The following DOCK4 variants were observed in gnomAD, a reference collection of about 807,000 sequenced individuals.
DOCK4 encodes dedicator of cytokinesis 4.
Under a neutral mutation model 268.1 loss-of-function variants are expected in DOCK4, and 97 were observed. That is an observed-to-expected ratio of 0.36 (90% CI 0.31 to 0.43). DOCK4 has a LOEUF of 0.43. Among genes scored for constraint, DOCK4 ranks in the 20% least tolerant of loss-of-function variants. The pLI is 1.00. For missense variants in DOCK4, 2,145 were observed against 2,455.7 expected (o/e 0.87, Z 2.67); for synonymous variants, 954 against 887.2 (o/e 1.08, Z -1.34).
At chr7:111,997,025 G>T (rs369998606) in intron 4 of DOCK4, among the ~76,000 whole-genome samples, 15 of 152,172 alleles carry the variant, frequency 9.9e-5, no homozygotes, top group East Asian at 3.9e-4. Context: ...GGTTGCACAG[G>T]CTTGCTCAAA....
intron 1 of DOCK4, among the ~76,000 whole-genome samples, chr7:112,152,128 A>G (rs1198897851): frequency 6.6e-6 from 1 of 152,202 alleles, no homozygotes; most frequent in African/African-American, 2.4e-5. Flanking sequence ...GAATATTTAT[A>G]TAAAGGCACA....
chr7:111,863,137 C>G, intron 23 of DOCK4: 1 of 507,488 alleles, frequency 2.0e-6, no homozygotes, highest in Non-Finnish European at 3.5e-6. Flanking sequence ...TGTTAAATCC[C>G]ATTAAACATA....
intron 1 of DOCK4, among the ~76,000 whole-genome samples, chr7:112,052,478 T>C (rs1022161511): frequency 1.3e-5 from 2 of 152,160 alleles, no homozygotes; most frequent in African/African-American, 4.8e-5. Flanking sequence ...ACTTCGGGCA[T>C]ATAATGTATT....
At chr7:111,739,323 G>A in intron 48 of DOCK4, 73 bp downstream of exon 48, 1 of 1,593,360 alleles carries the variant, frequency 6.3e-7, no homozygotes, top group South Asian at 1.1e-5. Flanking sequence ...TGAACGTGTG[G>A]CAGCTGGCCA....
chr7:112,104,157 A>T (rs1810934773), intron 1 of DOCK4, among the ~76,000 whole-genome samples: 1 of 152,190 alleles, frequency 6.6e-6, no homozygotes, highest in Admixed American at 6.5e-5. Context: ...TTTGCAGAGA[A>T]ATTCATTCTG....
intron 1 of DOCK4, among the ~76,000 whole-genome samples, chr7:112,087,887 T>C (rs1809248733): frequency 6.6e-6 from 1 of 152,094 alleles, no homozygotes; most frequent in African/African-American, 2.4e-5. Context: ...AACAGATCCA[T>C]GGAGTGGCAT....
At chr7:111,793,568 T>A (rs1799696589) in intron 30 of DOCK4, among the ~76,000 whole-genome samples, 1 of 152,266 alleles carries the variant, frequency 6.6e-6, no homozygotes, top group African/African-American at 2.4e-5. Flanking sequence ...TATTTCCATT[T>A]TATTAACTCA....
intron 1 of DOCK4, among the ~76,000 whole-genome samples, chr7:112,024,363 T>A (rs570365537): frequency 1.3e-5 from 2 of 152,142 alleles, no homozygotes; most frequent in South Asian, 2.1e-4. Context: ...AATACCTCTA[T>A]GAAACCGAAC....
chr7:112,075,048 T>C (rs1019110972), intron 1 of DOCK4, among the ~76,000 whole-genome samples: 15 of 152,216 alleles, frequency 9.9e-5, no homozygotes, highest in Admixed American at 6.5e-4. Flanking sequence ...GATGTATCTC[T>C]GTTCAAGTAA....
At chr7:111,939,027 T>C (rs1284376084) in intron 11 of DOCK4, among the ~76,000 whole-genome samples, 1 of 148,066 alleles carries the variant, frequency 6.8e-6, no homozygotes, top group Non-Finnish European at 1.5e-5. Flanking sequence ...GAGAAAGCCA[T>C]GAACACCATG....
At chr7:112,124,395 G>A (rs1813028314) in intron 1 of DOCK4, among the ~76,000 whole-genome samples, 1 of 152,174 alleles carries the variant, frequency 6.6e-6, no homozygotes, top group South Asian at 2.1e-4. Context: ...AGTGAGAAAT[G>A]GTTAACATGG....
At position 112,077,920 on chromosome 7, in the gene DOCK4, C is replaced by T. The variant is rs142806780; in HGVS notation, c.38-73789G>A. Among the ~76,000 whole-genome samples, 1,381 of 151,994 alleles carry T rather than the reference C, an allele frequency of 9.1e-3. 9 individuals carry two copies. Among genetic ancestry groups the T allele is most frequent in the Non-Finnish European group, 0.016 (1,059 of 67,936 alleles). On this transcript the variant is annotated intron_variant, in intron 1 of 52. Transcript: ENST00000428084. ...TAGCTAAGACACATCAAAGCGGTCCCAGAAAGAGAATAATAAGTGTTGATC... is the reference window on the plus strand; with the variant it reads ...TAGCTAAGACACATCAAAGCGGTCCTAGAAAGAGAATAATAAGTGTTGATC...
intron 28 of DOCK4, 104 bp from the exon 29 acceptor site, chr7:111,809,505 G>A (rs1163217670): frequency 3.3e-6 from 3 of 901,300 alleles, no homozygotes; most frequent in Non-Finnish European, 5.2e-6. Context: ...TGAGGGTATA[G>A]TTGAAGTAAG....
At chr7:111,868,742 A>T (rs1806185773) in intron 21 of DOCK4, among the ~76,000 whole-genome samples, 2 of 152,144 alleles carry the variant, frequency 1.3e-5, no homozygotes, top group African/African-American at 4.8e-5. Context: ...AAATTTTATC[A>T]TTCTGGAGTA....
chr7:112,120,031 T>C (rs1812587526), intron 1 of DOCK4, among the ~76,000 whole-genome samples: 1 of 152,070 alleles, frequency 6.6e-6, no homozygotes, highest in Admixed American at 6.5e-5. Context: ...GTATTTTTAG[T>C]AAAGACGGGG....
chr7:111,876,932 A>C, intron 17 of DOCK4, 98 bp downstream of exon 17: 2 of 1,139,412 alleles, frequency 1.8e-6, no homozygotes, highest in Non-Finnish European at 2.2e-6. Context: ...AATTTTTCTA[A>C]AGTTCTTAAC....
chr7:111,875,905 C>G (rs1003321470), intron 17 of DOCK4, among the ~76,000 whole-genome samples: 1 of 152,072 alleles, frequency 6.6e-6, no homozygotes, highest in Admixed American at 6.6e-5. Context: ...GTAATACAAC[C>G]CCAAAATATT....
In DOCK4 at chr7:111,877,038, G is replaced by A; in HGVS notation, c.1736C>T (p.Thr579Ile). ...ITSFLCSTKL[T>I]QNGDMLDLLK... ...AAAACATTATACATTACCATTTTGT[G>A]TGAGTTTTGTGGAACAGAGAAAAGA... The change falls in exon 17 of 53, where the codon ACA becomes ATA. Residue 579 changes from threonine (T) to isoleucine (I), a missense_variant. Around this residue, in one of 2 missense-constraint regions of DOCK4, gnomAD observed 1,598 missense variants for 1,986.7 expected, o/e 0.80. Coordinates refer to ENST00000428084, the MANE Select transcript of DOCK4 (RefSeq NM_001363540.2). 6.5e-7 allele frequency: 1 copy of A among 1,538,978 alleles called. No individual in the cohort carries two copies. The highest frequency in any genetic ancestry group is 8.7e-7 in the Non-Finnish European group (1 of 1,143,512).
intron 23 of DOCK4, among the ~76,000 whole-genome samples, chr7:111,859,137 G>A (rs997725981): frequency 6.6e-6 from 1 of 152,110 alleles, no homozygotes. Context: ...TCCCACCTCA[G>A]CCTGCTGAGT....
Sources: allele counts gnomAD v4.1 joint callset (sites outside exome capture counted in the v4.1 genomes callset), GRCh38; gene constraint gnomAD v4.1.1; regional missense constraint gnomAD v4.1.1; transcripts MANE v1.5; gene names NCBI Gene and HGNC (gene_info 2026-07-23, HGNC 2026-07-21).